Variants in MIPOL1 observed in about 807,000 individuals in gnomAD.
MIPOL1 encodes the protein mirror-image polydactyly 1.
Under a neutral mutation model 60.9 loss-of-function variants are expected in MIPOL1, and 57 were observed. The observed-to-expected ratio is 0.94, with a 90% CI of 0.76 to 1.17. The LOEUF (loss-of-function observed/expected upper bound fraction) is 1.17. Among genes scored for constraint, MIPOL1 ranks in the 50% most tolerant of loss-of-function variants. The pLI, the probability that MIPOL1 is intolerant of heterozygous loss-of-function variation, is 0.00. For missense variants in MIPOL1, 551 were observed against 511.6 expected, an observed-to-expected ratio of 1.08 and a Z score of -0.74; for synonymous variants, 179 against 168.8, an observed-to-expected ratio of 1.06 and a Z score of -0.47.
At chr14:37,249,829 AC>A (rs1973802483) in intron 3 of MIPOL1, among the ~76,000 whole-genome samples, 1 of 152,290 alleles carries the variant, frequency 6.6e-6, no homozygotes, top group Non-Finnish European at 1.5e-5. Context: ...TTAAAAAAAA[AC>A]AAAAAGGAAG....
chr14:37,270,639 T>A, intron 6 of MIPOL1, 114 bp downstream of exon 6: 9 of 292,802 alleles, frequency 3.1e-5, no homozygotes, highest in East Asian at 5.5e-5. Context: ...GGGGAAGCTC[T>A]CCTTTTTTTT....
chr14:37,268,541 C>T, intron 4 of MIPOL1, 117 bp from the exon 5 acceptor site: 1 of 745,122 alleles, frequency 1.3e-6, no homozygotes, highest in Non-Finnish European at 2.1e-6. Flanking sequence ...CATCTCTTTT[C>T]CTTTCCCTTC....
intron 10 of MIPOL1, among the ~76,000 whole-genome samples, chr14:37,403,043 C>G (rs1481200216): frequency 6.6e-6 from 1 of 152,184 alleles, no homozygotes; most frequent in Non-Finnish European, 1.5e-5. Flanking sequence ...TCCAATATTC[C>G]TGCCTAGTGC....
intron 3 of MIPOL1, among the ~76,000 whole-genome samples, chr14:37,254,768 G>A (rs977980570): frequency 4.0e-5 from 6 of 151,522 alleles, no homozygotes; most frequent in Non-Finnish European, 7.4e-5. Flanking sequence ...TACATCTTTG[G>A]TTCCTGCATT....
rs34055899 is a variant in MIPOL1 at position 37,292,465 on chromosome 14, C to CTTTTTTT, written c.623+7037_623+7043dup. Among the ~76,000 whole-genome samples the CTTTTTTT allele has an allele frequency of 3.2e-3, 204 of 63,448 alleles. 16 individuals are homozygous for CTTTTTTT. Among genetic ancestry groups the CTTTTTTT allele is most frequent in the Non-Finnish European group, 4.3e-3 (151 of 35,316 alleles). The allele number at this position is 63,448 out of a possible 152,430, so 41.6% of individuals were successfully genotyped here. A position where few individuals can be genotyped will look rare whatever the true frequency, so the allele number is the denominator to read the frequency against. ...GGTACAAGTGAATTTCCTTAATAAA[C>CTTTTTTT]TTTTTTTTTTTTTTTTTTTTTTTTT... On this transcript the variant is annotated intron_variant, in intron 7 of 12. Coordinates refer to ENST00000684589, the MANE Select transcript of MIPOL1 (RefSeq NM_001388067.1).
intron 1 of MIPOL1, among the ~76,000 whole-genome samples, chr14:37,214,278 A>G (rs938655503): frequency 4.6e-5 from 7 of 152,214 alleles, no homozygotes; most frequent in Admixed American, 2.6e-4. Flanking sequence ...ACTTTTCAAG[A>G]CATAGTACCA....
At chr14:37,251,391 A>T (rs994476581) in intron 3 of MIPOL1, among the ~76,000 whole-genome samples, 5 of 152,132 alleles carry the variant, frequency 3.3e-5, no homozygotes, top group African/African-American at 4.8e-5. Flanking sequence ...AAGGAGTTAA[A>T]AAAACAGTCC....
In MIPOL1 at chr14:37,499,992, C is replaced by G; in HGVS notation, c.1116C>G (p.Asn372Lys). The G allele has an allele frequency of 6.2e-7, 1 of 1,613,308 alleles. No homozygotes were observed. The highest frequency in any genetic ancestry group is 8.5e-7 in the Non-Finnish European group (1 of 1,179,410). ...GTACATATGAAGAAGCTTTAAAAAACAGAGAGAACATTGTTTCCATCACTC... is the reference window on the plus strand; with the variant it reads ...GTACATATGAAGAAGCTTTAAAAAAGAGAGAGAACATTGTTTCCATCACTC... ...TLSTYEEALK[N>K]RENIVSITQQ... Residue 372 changes from asparagine (N) to lysine (K), a missense_variant, in exon 12 of 13, where the codon AAC (asparagine) becomes AAG (lysine). Asn to Lys is a moderately conservative substitution (Grantham distance 94, BLOSUM62 0). Transcript: ENST00000684589.
intron 7 of MIPOL1, among the ~76,000 whole-genome samples, chr14:37,305,351 A>T (rs1460249682): frequency 6.6e-6 from 1 of 151,796 alleles, no homozygotes; most frequent in Non-Finnish European, 1.5e-5. Flanking sequence ...TGTATCAAGG[A>T]TTTGCAAAGT....
At chr14:37,394,140 G>A (rs1050917770) in intron 10 of MIPOL1, among the ~76,000 whole-genome samples, 2 of 137,766 alleles carry the variant, frequency 1.5e-5, no homozygotes, top group African/African-American at 5.4e-5. Flanking sequence ...CTCATTGATT[G>A]ATGGGTATTT....
At chr14:37,446,192 T>C (rs2094331784) in intron 11 of MIPOL1, among the ~76,000 whole-genome samples, 1 of 152,148 alleles carries the variant, frequency 6.6e-6, no homozygotes, top group Admixed American at 6.5e-5. Flanking sequence ...AGGGCTGATA[T>C]CCAGAATCTA....
chr14:37,199,573 GGAGTGCAGTGGCGC>G (rs1273998936), intron 1 of MIPOL1, among the ~76,000 whole-genome samples: 1 of 151,776 alleles, frequency 6.6e-6, no homozygotes, highest in Non-Finnish European at 1.5e-5. Flanking sequence ...CGCCAAGGCT[GGAGTGCAGTGGCGC>G]GATCTCGGCT....
intron 11 of MIPOL1, among the ~76,000 whole-genome samples, chr14:37,451,250 T>A (rs1180347763): frequency 1.3e-5 from 2 of 152,186 alleles, no homozygotes; most frequent in South Asian, 4.1e-4. Context: ...CTACTTCATC[T>A]CTGTACCTTA....
intron 10 of MIPOL1, among the ~76,000 whole-genome samples, chr14:37,383,414 TA>T (rs1444087577): frequency 6.6e-6 from 1 of 151,908 alleles, no homozygotes; most frequent in African/African-American, 2.4e-5. Flanking sequence ...TTACTCATTT[TA>T]AATACTAGAA....
intron 6 of MIPOL1, among the ~76,000 whole-genome samples, chr14:37,272,617 T>C (rs777960115): frequency 2.6e-5 from 4 of 151,666 alleles, no homozygotes; most frequent in Admixed American, 1.3e-4. Flanking sequence ...AGTATCTTAA[T>C]AGAAAAAAGA....
At chr14:37,422,726 A>G in intron 10 of MIPOL1, 129 bp from the exon 11 acceptor site, 1 of 609,294 alleles carries the variant, frequency 1.6e-6, no homozygotes, top group Non-Finnish European at 2.9e-6. Context: ...CTTATGAGAC[A>G]CTGCTAAAAA....
At chr14:37,298,298 A>G (rs1231822121) in intron 7 of MIPOL1, among the ~76,000 whole-genome samples, 1 of 152,142 alleles carries the variant, frequency 6.6e-6, no homozygotes, top group African/African-American at 2.4e-5. Context: ...ACAAAAATTA[A>G]TTCAAGATGG....
intron 10 of MIPOL1, among the ~76,000 whole-genome samples, chr14:37,387,213 GAAAGTA>G (rs1363448358): frequency 3.3e-4 from 50 of 151,836 alleles, no homozygotes; most frequent in Middle Eastern, 6.8e-3. Context: ...TTTAAACTAT[GAAAGTA>G]TTTAGGAAAC....
At chr14:37,497,883 C>T (rs1188673136) in intron 11 of MIPOL1, among the ~76,000 whole-genome samples, 1 of 152,132 alleles carries the variant, frequency 6.6e-6, no homozygotes, top group African/African-American at 2.4e-5. Context: ...TCTAAATCAG[C>T]ATCTATTATC....
Sources: allele counts gnomAD v4.1 joint callset (sites outside exome capture counted in the v4.1 genomes callset), GRCh38; gene constraint gnomAD v4.1.1; transcripts MANE v1.5; gene names NCBI Gene and HGNC (gene_info 2026-07-23, HGNC 2026-07-21).